The following PRR16 variants were observed in gnomAD, a reference collection of about 807,000 sequenced individuals.
PRR16 encodes proline rich 16.
A neutral mutation model predicts 18.2 loss-of-function variants in PRR16; 6 were observed. The ratio of observed to expected loss-of-function variants is 0.33; its 90% CI spans 0.18 to 0.65. PRR16 has a LOEUF of 0.65. Ranked by LOEUF, PRR16 falls within the 30% of genes least tolerant of loss-of-function variation. The pLI is 0.74. For missense variants in PRR16, 412 were observed against 376.6 expected (o/e 1.09, Z -0.78); for synonymous variants, 151 against 147.8 (o/e 1.02, Z -0.16).
intron 1 of PRR16, among the ~76,000 whole-genome samples, chr5:120,604,244 G>C (rs1359447059): frequency 6.6e-6 from 1 of 152,022 alleles, no homozygotes; most frequent in African/African-American, 2.4e-5. Context: ...CCTGTGGTGG[G>C]AGCATATATT....
chr5:120,571,440 G>A (rs1484406891), intron 1 of PRR16, among the ~76,000 whole-genome samples: 1 of 152,096 alleles, frequency 6.6e-6, no homozygotes, highest in Non-Finnish European at 1.5e-5. Context: ...AAGATATAAG[G>A]TCAGAACATT....
At chr5:120,617,099 T>A (rs1358693520) in intron 1 of PRR16, 1 of 984,890 alleles carries the variant, frequency 1.0e-6, no homozygotes, top group Non-Finnish European at 1.2e-6. Flanking sequence ...TAACAGAAGC[T>A]CCATTACCTA....
At chr5:120,629,875 AT>A (rs1448033092) in intron 1 of PRR16, among the ~76,000 whole-genome samples, 1 of 144,990 alleles carries the variant, frequency 6.9e-6, no homozygotes, top group African/African-American at 2.4e-5. Flanking sequence ...TCTGGGCTGC[AT>A]TGTTGCTTTC....
At chr5:120,539,917 T>C (rs951035471) in intron 1 of PRR16, among the ~76,000 whole-genome samples, 3 of 152,180 alleles carry the variant, frequency 2.0e-5, no homozygotes, top group Admixed American at 1.3e-4. Context: ...TATTGTGTTT[T>C]ATATTATAGG....
intron 1 of PRR16, among the ~76,000 whole-genome samples, chr5:120,566,530 C>G (rs1752743839): frequency 6.6e-6 from 1 of 152,132 alleles, no homozygotes; most frequent in African/African-American, 2.4e-5. Context: ...TCCCACAACT[C>G]TTTAGTACTA....
At chr5:120,754,191 TAATTATATATTATA>T in the PRR16 span, among the ~76,000 whole-genome samples, 1 of 100,890 alleles carries the variant, frequency 9.9e-6, no homozygotes, top group Non-Finnish European at 1.9e-5. Context: ...ATATAATATA[TAATTATATATTATA>T]AATTATATAT....
At chr5:120,502,905 G>A (rs757985142) in intron 1 of PRR16, among the ~76,000 whole-genome samples, 1 of 152,106 alleles carries the variant, frequency 6.6e-6, no homozygotes, top group African/African-American at 2.4e-5. Flanking sequence ...GGAGGCAAAT[G>A]AGCTCCTTTG....
intron 1 of PRR16, among the ~76,000 whole-genome samples, chr5:120,534,562 A>G (rs549632020): frequency 5.6e-4 from 85 of 152,226 alleles, no homozygotes; most frequent in African/African-American, 2.0e-3. Context: ...ATATCATTTT[A>G]TAGATGGAAT....
the PRR16 span, among the ~76,000 whole-genome samples, chr5:120,758,023 A>G: frequency 2.9e-5 from 1 of 34,892 alleles, no homozygotes; most frequent in Admixed American, 5.1e-4. Flanking sequence ...TACTTTTGTA[A>G]TTTTATTGTC....
At chr5:120,544,919 G>A (rs1464590862) in intron 1 of PRR16, among the ~76,000 whole-genome samples, 1 of 152,080 alleles carries the variant, frequency 6.6e-6, no homozygotes, top group African/African-American at 2.4e-5. Context: ...ATACAGATCA[G>A]AAATCTGAAA....
chr5:120,735,065 T>A, the PRR16 span, among the ~76,000 whole-genome samples: 48 of 152,216 alleles, frequency 3.2e-4, no homozygotes, highest in Admixed American at 1.4e-3. Flanking sequence ...ACTTTCTGTT[T>A]CTATGAATTT....
chr5:120,618,991 C>T (rs773461026), intron 1 of PRR16, among the ~76,000 whole-genome samples: 1 of 152,072 alleles, frequency 6.6e-6, no homozygotes, highest in South Asian at 2.1e-4. Flanking sequence ...GCTGTAGGCC[C>T]AGCTTTTCCC....
At chr5:120,763,160 T>C in the PRR16 span, among the ~76,000 whole-genome samples, 1 of 152,126 alleles carries the variant, frequency 6.6e-6, no homozygotes, top group Non-Finnish European at 1.5e-5. Flanking sequence ...GCAATTTTTT[T>C]TTTTGAGGCA....
At chr5:120,734,841 A>G in the PRR16 span, among the ~76,000 whole-genome samples, 3 of 152,332 alleles carry the variant, frequency 2.0e-5, no homozygotes, top group Admixed American at 2.0e-4. Context: ...CAAATCAAGA[A>G]TACTTTGTTG....
intron 1 of PRR16, among the ~76,000 whole-genome samples, chr5:120,628,488 G>T (rs1393089013): frequency 6.6e-6 from 1 of 151,994 alleles, no homozygotes; most frequent in Non-Finnish European, 1.5e-5. Flanking sequence ...TAAAGGCTAG[G>T]AAGCATATCA....
At chr5:120,593,007 C>A (rs934870009) in intron 1 of PRR16, among the ~76,000 whole-genome samples, 2 of 151,996 alleles carry the variant, frequency 1.3e-5, no homozygotes, top group African/African-American at 4.8e-5. Flanking sequence ...TCGGTCACAG[C>A]TAAGGCAGTG....
At chr5:120,729,236 G>A in the PRR16 span, among the ~76,000 whole-genome samples, 1 of 152,068 alleles carries the variant, frequency 6.6e-6, no homozygotes, top group Non-Finnish European at 1.5e-5. Context: ...AAAGCCAGTA[G>A]TATCATAAAC....
the PRR16 span, among the ~76,000 whole-genome samples, chr5:120,720,224 C>T: frequency 6.6e-6 from 1 of 151,998 alleles, no homozygotes; most frequent in African/African-American, 2.4e-5. Context: ...CAGGATTCAG[C>T]ATGTTCTCTA....
the PRR16 span, among the ~76,000 whole-genome samples, chr5:120,743,990 T>C: frequency 6.6e-6 from 1 of 152,120 alleles, no homozygotes; most frequent in Non-Finnish European, 1.5e-5. Flanking sequence ...TACTTCAATT[T>C]TCCTTTTCAT....
Sources: allele counts gnomAD v4.1 joint callset (sites outside exome capture counted in the v4.1 genomes callset), GRCh38; gene constraint gnomAD v4.1.1; transcripts MANE v1.5; gene names NCBI Gene and HGNC (gene_info 2026-07-23, HGNC 2026-07-21).